Variants in PADI2 observed in about 807,000 individuals in gnomAD.
PADI2 encodes peptidyl arginine deiminase 2.
Under a neutral mutation model 81.1 loss-of-function variants are expected in PADI2, and 70 were observed. The ratio of observed to expected loss-of-function variants is 0.86; its 90% CI spans 0.71 to 1.05. The LOEUF is 1.05. Among genes scored for constraint, PADI2 ranks in the 50% least tolerant of loss-of-function variants. The pLI, the probability that PADI2 is intolerant of heterozygous loss-of-function variation, is 0.00. For missense variants in PADI2, 853 were observed against 889.9 expected, an observed-to-expected ratio of 0.96 and a Z score of 0.53; for synonymous variants, 338 against 358.0, an observed-to-expected ratio of 0.94 and a Z score of 0.63.
intron 6 of PADI2, among the ~76,000 whole-genome samples, chr1:17,091,093 T>A (rs1005706217): frequency 6.6e-6 from 1 of 151,746 alleles, no homozygotes; most frequent in East Asian, 2.0e-4. Context: ...CCAACCTGTG[T>A]GAGGTCACTG....
chr1:17,079,288 A>T lies in PADI2; in HGVS notation c.1286T>A (p.Ile429Asn). 1 of 1,614,030 alleles carries T rather than the reference A, an allele frequency of 6.2e-7. No homozygotes were observed. Among genetic ancestry groups the T allele is most frequent in the East Asian group, 2.2e-5 (1 of 44,860 alleles). Reference protein sequence around the residue: ...VNGKTYPLGRILIGSSFPLSG... With the variant: ...VNGKTYPLGRNLIGSSFPLSG... ...CAGAGGAAAGCTGCTCCCGATGAGG[A>T]TGCGGCCAAGCGGGTATGTCTTGCC... Residue 429 changes from isoleucine (I) to asparagine (N), a missense_variant, in exon 11 of 16, where the codon ATC (isoleucine) becomes AAC (asparagine). Transcript: ENST00000375486.
At chr1:17,094,825 T>C (rs1275313951) in intron 4 of PADI2, among the ~76,000 whole-genome samples, 1 of 152,212 alleles carries the variant, frequency 6.6e-6, no homozygotes, top group African/African-American at 2.4e-5. Context: ...GCTGTCGCCC[T>C]GGGGCTGCTG....
chr1:17,115,668 A>C lies in PADI2; in HGVS notation c.92+3612T>G, dbSNP rs547687469. Among the ~76,000 whole-genome samples, 1 of 152,274 alleles carries C rather than the reference A, an allele frequency of 6.6e-6. No homozygotes were observed. The highest frequency in any genetic ancestry group is 1.9e-4 in the East Asian group (1 of 5,178). ...GGGACTCCCTCTGTGCTCTCTTTCC[A>C]ACTTCAAGCCCAAATCAGATGGGGA... On this transcript the variant is annotated intron_variant, in intron 1 of 15. Transcript: ENST00000375486. This position sits in a 1 kb window ranked among gnomAD's most constrained non-coding sequence, Gnocchi z 4.1.
intron 1 of PADI2, among the ~76,000 whole-genome samples, chr1:17,109,212 C>T (rs1014509074): frequency 6.6e-6 from 1 of 151,766 alleles, no homozygotes; most frequent in Non-Finnish European, 1.5e-5. Flanking sequence ...TGGCAAAACC[C>T]TATCTCTACT....
rs1425346910 is a variant in PADI2, at chr1:17,104,546, T to C, written c.276+332A>G. ...GCCTCCCGGGTTCACGCCATTCTCC[T>C]GCCTCAGCCTCCCAAGTAGCTGGGT... On this transcript the variant is annotated intron_variant, in intron 2 of 15. Transcript: ENST00000375486. Among the ~76,000 whole-genome samples, 3 of 145,696 alleles carry C rather than the reference T, an allele frequency of 2.1e-5. No homozygotes were observed. In the Admixed American group the frequency reaches 2.1e-4, roughly 10 times the overall value.
intron 3 of PADI2, 110 bp downstream of exon 3, chr1:17,102,877 T>C (rs1569578862): frequency 7.9e-6 from 6 of 761,882 alleles, no homozygotes; most frequent in Admixed American, 2.1e-5. Context: ...CAGAAGAAGC[T>C]CCAAGTGCCA....
intron 10 of PADI2, 29 bp downstream of exon 10, chr1:17,082,516 C>T (rs1039812091): frequency 7.3e-7 from 1 of 1,369,276 alleles, no homozygotes; most frequent in Admixed American, 1.7e-5. Flanking sequence ...GGATCATGCT[C>T]CACCCGCAAG....
chr1:17,106,097 A>G (rs1931365642), intron 1 of PADI2, among the ~76,000 whole-genome samples: 1 of 152,144 alleles, frequency 6.6e-6, no homozygotes, highest in Admixed American at 6.5e-5. Flanking sequence ...GGGTCCTAAC[A>G]GGGCAGAGGT....
intron 4 of PADI2, among the ~76,000 whole-genome samples, chr1:17,095,081 C>T (rs1388351861): frequency 1.3e-5 from 2 of 152,222 alleles, no homozygotes; most frequent in East Asian, 3.8e-4. Flanking sequence ...GTATACTTTA[C>T]TCTAGGCTTC....
In PADI2 at chr1:17,100,434, A is replaced by G. The variant is rs370067682; in HGVS notation, c.349+2553T>C. On this transcript the variant is annotated intron_variant, in intron 3 of 15. Transcript: ENST00000375486. ...TGAGTAGCTGGGATTACAGGCGTCC[A>G]CCACCATGCCCGGCTAGTTTTTATA... is the stretch of plus-strand genomic sequence containing the variant. Among the ~76,000 whole-genome samples the G allele has an allele frequency of 5.6e-3, 819 of 147,082 alleles. 9 individuals are homozygous for G. Among genetic ancestry groups the G allele is most frequent in the African/African-American group, 0.019 (775 of 39,786 alleles).
chr1:17,096,707 G>T (rs914320033), intron 3 of PADI2, among the ~76,000 whole-genome samples: 2 of 152,210 alleles, frequency 1.3e-5, no homozygotes, highest in African/African-American at 4.8e-5. Flanking sequence ...AAGTGAAAAG[G>T]TTTAGTATCA....
intron 5 of PADI2, 85 bp from the exon 6 acceptor site, chr1:17,092,618 A>C: frequency 7.9e-7 from 1 of 1,267,196 alleles, no homozygotes; most frequent in Non-Finnish European, 1.1e-6. Context: ...ATAATCAGGA[A>C]AAAATCCCCA....
intron 13 of PADI2, among the ~76,000 whole-genome samples, chr1:17,073,003 C>G (rs1454371317): frequency 6.6e-6 from 1 of 152,140 alleles, no homozygotes; most frequent in Non-Finnish European, 1.5e-5. Context: ...CAGTGACAGT[C>G]AGGAACACTG....
chr1:17,110,702 G>T (rs981418895), intron 1 of PADI2, among the ~76,000 whole-genome samples: 12 of 152,154 alleles, frequency 7.9e-5, no homozygotes, highest in African/African-American at 1.7e-4. Context: ...TGTGCATTTT[G>T]ACATATGTTG....
Position 17,114,790 on chromosome 1 carries a change from G to C in PADI2, c.92+4490C>G, listed in dbSNP as rs571584896. Among the ~76,000 whole-genome samples, 10 of 152,238 alleles carry C rather than the reference G, an allele frequency of 6.6e-5. No homozygotes were observed. In the East Asian group the frequency reaches 1.9e-3, roughly 29 times the overall value. On this transcript the variant is annotated intron_variant, in intron 1 of 15. Transcript: ENST00000375486. ...ATGAAAGTCAGGCTTGTGGGGATCT[G>C]GGGGATGGTGTTCCAGGCAGAGGGA... is the stretch of plus-strand genomic sequence containing the variant.
intron 9 of PADI2, 55 bp from the exon 10 acceptor site, chr1:17,082,707 A>G (rs925382116): frequency 2.9e-6 from 3 of 1,051,648 alleles, no homozygotes; most frequent in Admixed American, 2.2e-5. Context: ...ATTTGTGCAC[A>G]TGGGCAGAAA....
chr1:17,083,622 C>T (rs1347585375), intron 9 of PADI2, 104 bp downstream of exon 9: 2 of 732,400 alleles, frequency 2.7e-6, no homozygotes, highest in Non-Finnish European at 2.5e-6. Flanking sequence ...CAGAAGAATC[C>T]CCATCTGCAG....
intron 4 of PADI2, among the ~76,000 whole-genome samples, chr1:17,094,410 G>A (rs987819002): frequency 6.6e-6 from 1 of 152,096 alleles, no homozygotes; most frequent in Non-Finnish European, 1.5e-5. Context: ...CTTTCCACCT[G>A]GCCCACTCTA....
chr1:17,101,387 GC>G (rs1931136296), intron 3 of PADI2, among the ~76,000 whole-genome samples: 1 of 152,108 alleles, frequency 6.6e-6, no homozygotes, highest in Non-Finnish European at 1.5e-5. Context: ...TGCCCTTCCT[GC>G]CCCCGTCCTC....
Sources: gnomAD v4.1 joint callset for allele counts (sites outside exome capture counted in the v4.1 genomes callset) on GRCh38, gnomAD v4.1.1 for gene constraint, Gnocchi (gnomAD v3.1) non-coding constraint, MANE v1.5 for transcripts, NCBI Gene and HGNC (gene_info 2026-07-23, HGNC 2026-07-21) for gene names.